Variants in ATXN2 observed in about 807,000 individuals in gnomAD.
The protein encoded by ATXN2 is ataxin 2.
In ATXN2, 37 loss-of-function variants were observed where a neutral mutation model predicts 138.6. That is an observed-to-expected ratio of 0.27 (90% CI 0.21 to 0.35). The LOEUF (loss-of-function observed/expected upper bound fraction) is 0.35, where lower values mean the gene tolerates loss of function less well. ATXN2 is among the 10% of genes least tolerant of loss of function. The pLI is 1.00. For synonymous variants in ATXN2, 549 were observed against 543.7 expected (o/e 1.01, Z -0.13); for missense variants, 1,216 against 1,480.3 (o/e 0.82, Z 2.93).
At position 111,488,715 on chromosome 12, in the gene ATXN2, T is replaced by C. The variant is rs1877809902; in HGVS notation, c.2001A>G (p.Lys667=). 1.9e-6 allele frequency: 3 copies of C among 1,611,444 alleles called. No individual in the cohort carries two copies. The highest frequency in any genetic ancestry group is 1.3e-5 in the African/African-American group (1 of 75,040). ...QLLNKNREGE[K]SRDLIKDKIE... ...TTTTGTCTTTGATCAAATCTCTTGA[T>C]TTTTCTCCCTCTCTATTTTTGTTTA... The change falls in exon 15 of 25, where the codon AAA becomes AAG. Residue 667 remains lysine (K), a synonymous_variant. Transcript: ENST00000673436.
intron 14 of ATXN2, among the ~76,000 whole-genome samples, chr12:111,489,628 A>G (rs899376056): frequency 6.7e-6 from 1 of 149,640 alleles, no homozygotes; most frequent in Admixed American, 6.6e-5. Flanking sequence ...AAAAAAAAAG[A>G]TAGCACCAAT....
intron 1 of ATXN2, among the ~76,000 whole-genome samples, chr12:111,573,780 C>A (rs572211788): frequency 6.6e-6 from 1 of 151,772 alleles, no homozygotes; most frequent in East Asian, 1.9e-4. Flanking sequence ...AATAGGCACA[C>A]AATAAATGGT....
chr12:111,599,253 G>T lies in ATXN2; in HGVS notation c.-219C>A. The T allele has an allele frequency of 9.0e-7, 1 of 1,108,718 alleles. No homozygotes were observed. The highest frequency in any genetic ancestry group is 1.1e-6 in the Non-Finnish European group (1 of 913,336). The allele number at this position is 1,108,718 out of a possible 1,614,324, so 68.7% of individuals were successfully genotyped here. A position where few individuals can be genotyped will look rare whatever the true frequency, so the allele number is the denominator to read the frequency against. The stretch of plus-strand genomic sequence containing the variant: ...CCAAGGAGCCGCCGGGAGCCGGGCC[G>T]AAACGCGCCGCCGCCGTTGCCGTTG... On this transcript the variant is annotated 5_prime_UTR_variant, in exon 1 of 25. Coordinates refer to ENST00000673436, the MANE Select transcript of ATXN2 (RefSeq NM_001372574.1).
At chr12:111,585,486 C>A (rs1438409065) in intron 1 of ATXN2, among the ~76,000 whole-genome samples, 1 of 146,974 alleles carries the variant, frequency 6.8e-6, no homozygotes, top group Non-Finnish European at 1.5e-5. Context: ...GCACTCCAGC[C>A]TGGGCAACAG....
At chr12:111,495,557 A>G (rs894443516) in intron 14 of ATXN2, among the ~76,000 whole-genome samples, 1 of 152,212 alleles carries the variant, frequency 6.6e-6, no homozygotes, top group African/African-American at 2.4e-5. Flanking sequence ...AAGTATAAAT[A>G]CATATGCAAC....
intron 5 of ATXN2, among the ~76,000 whole-genome samples, chr12:111,533,017 C>T (rs1880929807): frequency 6.6e-6 from 1 of 152,180 alleles, no homozygotes; most frequent in Non-Finnish European, 1.5e-5. Context: ...GAACAGAGAA[C>T]ACTGTGAGGG....
intron 1 of ATXN2, among the ~76,000 whole-genome samples, chr12:111,576,800 A>C (rs1883678920): frequency 6.6e-6 from 1 of 151,434 alleles, no homozygotes; most frequent in African/African-American, 2.4e-5. Flanking sequence ...TCTACTAAAA[A>C]TAAAAAAATT....
intron 5 of ATXN2, among the ~76,000 whole-genome samples, chr12:111,549,375 CA>C (rs1002089361): frequency 5.2e-4 from 75 of 143,714 alleles, no homozygotes; most frequent in East Asian, 8.1e-4. Flanking sequence ...AGAATACAAA[CA>C]AAAAAAAAAA....
At chr12:111,567,614 G>C (rs537920134) in intron 1 of ATXN2, among the ~76,000 whole-genome samples, 3 of 151,954 alleles carry the variant, frequency 2.0e-5, no homozygotes, top group Admixed American at 6.6e-5. Context: ...AGGAATTCGA[G>C]ACCAGCCTGG....
At chr12:111,569,777 C>G (rs1176485304) in intron 1 of ATXN2, among the ~76,000 whole-genome samples, 1 of 152,078 alleles carries the variant, frequency 6.6e-6, no homozygotes, top group Non-Finnish European at 1.5e-5. Context: ...TGCCTTTACC[C>G]CTTGAGTCCC....
chr12:111,536,047 A>G (rs1035084662), intron 5 of ATXN2, among the ~76,000 whole-genome samples: 12 of 152,232 alleles, frequency 7.9e-5, no homozygotes, highest in African/African-American at 2.9e-4. Context: ...TAAGGTTGAA[A>G]AAGAGAAGTT....
Position 111,552,793 on chromosome 12 carries a change from G to A in ATXN2, c.420+113C>T. 1.5e-6 allele frequency: 1 copy of A among 679,414 alleles called. No homozygotes were observed. The allele number at this position is 679,414 out of a possible 1,614,324, so 42.1% of individuals were successfully genotyped here. A position where few individuals can be genotyped will look rare whatever the true frequency, so the allele number is the denominator to read the frequency against. On this transcript the variant is annotated intron_variant, in intron 4 of 24. Transcript: ENST00000673436. The surrounding 1 kb of genome is among the most constrained non-coding windows in gnomAD (Gnocchi z 4.1). ...CACAAACCAGTCTATAAAATAATCA[G>A]TATTTGAAACTGAGAAGTAAAATCA...
At chr12:111,499,907 C>G (rs759843743) in intron 14 of ATXN2, among the ~76,000 whole-genome samples, 9 of 152,102 alleles carry the variant, frequency 5.9e-5, no homozygotes, top group Non-Finnish European at 1.5e-5. Flanking sequence ...AAAACTACAA[C>G]AAGATATCAT....
At chr12:111,535,298 A>C (rs757387622) in intron 5 of ATXN2, among the ~76,000 whole-genome samples, 2 of 152,202 alleles carry the variant, frequency 1.3e-5, no homozygotes, top group South Asian at 4.1e-4. Context: ...AGTAAGGTAG[A>C]TTCTTCACGT....
chr12:111,596,942 T>C (rs372812169), intron 1 of ATXN2, among the ~76,000 whole-genome samples: 302 of 146,504 alleles, frequency 2.1e-3, no homozygotes, highest in African/African-American at 8.2e-3. Flanking sequence ...TATTTGAACA[T>C]GTTGAATTAT....
intron 5 of ATXN2, among the ~76,000 whole-genome samples, chr12:111,526,697 G>A (rs893607921): frequency 1.3e-5 from 2 of 152,176 alleles, no homozygotes; most frequent in African/African-American, 4.8e-5. Context: ...GAGCAACCAT[G>A]CCCGGCCTAA....
At chr12:111,473,184 G>A (rs1876537156) in intron 18 of ATXN2, among the ~76,000 whole-genome samples, 1 of 151,766 alleles carries the variant, frequency 6.6e-6, no homozygotes, top group African/African-American at 2.4e-5. Flanking sequence ...TGAGGTGGGG[G>A]GATTGCCTTA....
intron 10 of ATXN2, among the ~76,000 whole-genome samples, chr12:111,515,703 T>A (rs1447209207): frequency 6.6e-6 from 1 of 152,176 alleles, no homozygotes; most frequent in African/African-American, 2.4e-5. Context: ...GTCAGCTACA[T>A]GGGCTGTCGC....
rs565177723 is a variant in ATXN2, at chr12:111,581,727, C to T, written c.251+17057G>A. On this transcript the variant is annotated intron_variant, in intron 1 of 24. Coordinates refer to ENST00000673436, the MANE Select transcript of ATXN2 (RefSeq NM_001372574.1). ...TGGGCCCTGATTGTGCGCATCATTA[C>T]GACCATTCTGCTCAGCATCATCCCA... 69 of 650,224 alleles carry T rather than the reference C, an allele frequency of 1.1e-4. 1 individual carries two copies. The highest frequency in any genetic ancestry group is 3.9e-4 in the Admixed American group (19 of 48,626). 40.3% of individuals were successfully genotyped at this position (650,224 alleles called of 1,614,324 possible). A position where few individuals can be genotyped will look rare whatever the true frequency, so the allele number is the denominator to read the frequency against.
Sources: gnomAD v4.1 joint callset for allele counts (sites outside exome capture counted in the v4.1 genomes callset) on GRCh38, gnomAD v4.1.1 for gene constraint, Gnocchi (gnomAD v3.1) non-coding constraint, MANE v1.5 for transcripts, NCBI Gene and HGNC (gene_info 2026-07-23, HGNC 2026-07-21) for gene names.